Variants in TTLL11 observed in about 807,000 individuals in gnomAD.
TTLL11 encodes the protein tubulin polyglutamylase TTLL11.
TTLL11 carries 42 observed loss-of-function variants against 51.7 expected under a neutral mutation model. That is an observed-to-expected ratio of 0.81 (90% CI 0.64 to 1.05). TTLL11 has a LOEUF of 1.05. TTLL11 is among the 50% of genes least tolerant of loss of function. The pLI is 0.00. For missense variants in TTLL11, 799 were observed against 940.4 expected, an observed-to-expected ratio of 0.85 and a Z score of 1.97; for synonymous variants, 381 against 383.5, an observed-to-expected ratio of 0.99 and a Z score of 0.08.
At chr9:122,051,692 A>G (rs78259791) in intron 1 of TTLL11, among the ~76,000 whole-genome samples, 1 of 152,156 alleles carries the variant, frequency 6.6e-6, no homozygotes, top group Non-Finnish European at 1.5e-5. Context: ...TCGCTGGTTG[A>G]GCTCTCTGTC....
At chr9:122,003,943 G>A (rs1249054225) in intron 3 of TTLL11, among the ~76,000 whole-genome samples, 1 of 150,510 alleles carries the variant, frequency 6.6e-6, no homozygotes, top group African/African-American at 2.4e-5. Context: ...GTGAAACCCC[G>A]TCTCTACTAA....
At position 121,830,871 on chromosome 9, in the gene TTLL11, T is replaced by C. The variant is rs111569641; in HGVS notation, c.1841-7992A>G. Among the ~76,000 whole-genome samples the C allele has an allele frequency of 3.7e-3, 558 of 152,322 alleles. 2 individuals are homozygous for C. Among genetic ancestry groups the C allele is most frequent in the Non-Finnish European group, 6.6e-3 (449 of 68,028 alleles). ...AAGATGGGAGGTCACTGGGGAGTCC[T>C]GAAGTGACATGTCACTGTGGAAGCT... On this transcript the variant is annotated intron_variant, in intron 8 of 8. Coordinates refer to ENST00000321582, the MANE Select transcript of TTLL11 (RefSeq NM_001139442.2).
intron 6 of TTLL11, among the ~76,000 whole-genome samples, chr9:121,896,555 C>A (rs1375484367): frequency 1.3e-5 from 2 of 152,210 alleles, no homozygotes; most frequent in Admixed American, 6.5e-5. Flanking sequence ...GGACATGATT[C>A]GGAACTCACA....
rs144510812 is a variant in TTLL11 at position 121,926,140 on chromosome 9, C to T, written c.1481+47869G>A. Among the ~76,000 whole-genome samples, 302 of 152,280 alleles carry T rather than the reference C, an allele frequency of 2.0e-3. 1 individual carries two copies. The highest frequency in any genetic ancestry group is 7.0e-3 in the African/African-American group (290 of 41,564). The stretch of plus-strand genomic sequence containing the variant: ...ACACACTTTGAAGTTTGCCTTCACA[C>T]GCTTCTGCCAGGAAGGAGCCGTGGT... On this transcript the variant is annotated intron_variant, in intron 6 of 8. Transcript: ENST00000321582.
At chr9:121,888,993 T>C (rs1258364757) in intron 6 of TTLL11, among the ~76,000 whole-genome samples, 2 of 152,232 alleles carry the variant, frequency 1.3e-5, no homozygotes, top group Admixed American at 6.5e-5. Context: ...AGCTCCCAAA[T>C]GCTAGAGCAT....
At position 121,859,149 on chromosome 9, in the gene TTLL11, T is replaced by G. The variant is rs184577336; in HGVS notation, c.1840+1188A>C. Among the ~76,000 whole-genome samples, 11 of 152,092 alleles carry G rather than the reference T, an allele frequency of 7.2e-5. No individual in the cohort carries two copies. The East Asian group carries it at 1.9e-3, about 27-fold the overall frequency. ...TGCATGAAAGGACCTTGAAGTTTTG[T>G]GATGAGCTGTACAAATATCAGTTAT... On this transcript the variant is annotated intron_variant, in intron 8 of 8. Transcript: ENST00000321582.
intron 6 of TTLL11, among the ~76,000 whole-genome samples, chr9:121,970,168 A>G (rs1370249629): frequency 1.3e-5 from 2 of 152,238 alleles, no homozygotes; most frequent in East Asian, 1.9e-4. Flanking sequence ...GGTTATCAAT[A>G]AAAAAGTCAA....
intron 6 of TTLL11, among the ~76,000 whole-genome samples, chr9:121,956,632 T>C (rs1226374128): frequency 6.6e-6 from 1 of 152,208 alleles, no homozygotes; most frequent in East Asian, 1.9e-4. Context: ...CTAGTAGGTA[T>C]GAAGGGCTGC....
chr9:122,021,007 G>A (rs1564361542), intron 3 of TTLL11, among the ~76,000 whole-genome samples: 1 of 152,242 alleles, frequency 6.6e-6, no homozygotes, highest in African/African-American at 2.4e-5. Context: ...TTATTGTTAT[G>A]TAGTCATTCT....
At chr9:122,045,199 A>G (rs1272551566) in intron 1 of TTLL11, among the ~76,000 whole-genome samples, 2 of 149,670 alleles carry the variant, frequency 1.3e-5, no homozygotes, top group African/African-American at 4.9e-5. Flanking sequence ...GCTGTAGTTA[A>G]AAAAAAAAAT....
In TTLL11 at chr9:121,981,242, T is replaced by C. The variant is rs942393513; in HGVS notation, c.1270-6263A>G. ...ATAGTCCACTGAGGGTCTGTTCTTT[T>C]TTTTCCTTGTCATTTTTCTCTACTT... On this transcript the variant is annotated intron_variant, in intron 4 of 8. Transcript: ENST00000321582. Among the ~76,000 whole-genome samples, 4 of 152,174 alleles carry C rather than the reference T, an allele frequency of 2.6e-5. No individual in the cohort carries two copies. In the South Asian group the frequency reaches 8.3e-4, roughly 31 times the overall value.
In TTLL11 at chr9:121,942,219, C is replaced by G. The variant is rs117091615; in HGVS notation, c.1481+31790G>C. On this transcript the variant is annotated intron_variant, in intron 6 of 8. Coordinates refer to ENST00000321582, the MANE Select transcript of TTLL11 (RefSeq NM_001139442.2). ...TTCAAATGCACCAGACTCACCCTGC[C>G]TTAGGGCCTCTGTGCCAGCTGTTCC... Among the ~76,000 whole-genome samples, 112 of 152,288 alleles carry G rather than the reference C, an allele frequency of 7.4e-4. 1 individual carries two copies. In the East Asian group the frequency reaches 0.021, roughly 29 times the overall value.
At chr9:121,973,708 C>T (rs1338056582) in intron 6 of TTLL11, among the ~76,000 whole-genome samples, 1 of 151,842 alleles carries the variant, frequency 6.6e-6, no homozygotes, top group Non-Finnish European at 1.5e-5. Flanking sequence ...CAAACCTGCA[C>T]GTTGTGCACA....
At position 121,984,970 on chromosome 9, in the gene TTLL11, A is replaced by G. The variant is rs116052241; in HGVS notation, c.1269+4225T>C. Among the ~76,000 whole-genome samples the G allele has an allele frequency of 4.4e-3, 667 of 152,314 alleles. 3 individuals are homozygous for G. The highest frequency in any genetic ancestry group is 0.015 in the African/African-American group (626 of 41,570). On this transcript the variant is annotated intron_variant, in intron 4 of 8. Coordinates refer to ENST00000321582, the MANE Select transcript of TTLL11 (RefSeq NM_001139442.2). Reference sequence around the variant, plus strand: ...AGCTACCTAGGCAATGACAGGGGACAGGCTGGAATGACAGGGAAGCCACGT... The same window carrying G: ...AGCTACCTAGGCAATGACAGGGGACGGGCTGGAATGACAGGGAAGCCACGT...
chr9:121,900,611 T>C (rs1839739759), intron 6 of TTLL11, among the ~76,000 whole-genome samples: 1 of 152,198 alleles, frequency 6.6e-6, no homozygotes, highest in African/African-American at 2.4e-5. Flanking sequence ...CTTCTGGAAC[T>C]CCCATTGGAT....
chr9:121,874,702 T>C (rs1243686774), intron 6 of TTLL11, among the ~76,000 whole-genome samples: 2 of 152,000 alleles, frequency 1.3e-5, no homozygotes, highest in African/African-American at 2.4e-5. Flanking sequence ...GTCATTTGAC[T>C]AAATAGAGTC....
chr9:122,082,988 T>C (rs1188583951), intron 1 of TTLL11, among the ~76,000 whole-genome samples: 1 of 152,094 alleles, frequency 6.6e-6, no homozygotes, highest in Non-Finnish European at 1.5e-5. Flanking sequence ...GAGCCGAGAT[T>C]GCGCCACTAT....
chr9:121,916,522 G>A (rs1391774413), intron 6 of TTLL11, among the ~76,000 whole-genome samples: 1 of 151,398 alleles, frequency 6.6e-6, no homozygotes, highest in Non-Finnish European at 1.5e-5. Flanking sequence ...AAGCAATAAA[G>A]AAAAAAAAGC....
chr9:122,046,349 A>G (rs1845001417), intron 1 of TTLL11, among the ~76,000 whole-genome samples: 1 of 151,972 alleles, frequency 6.6e-6, no homozygotes, highest in Admixed American at 6.5e-5. Context: ...TTCTTCCATG[A>G]TTGTAAGTTT....
Sources: gnomAD v4.1 joint callset for allele counts (sites outside exome capture counted in the v4.1 genomes callset) on GRCh38, gnomAD v4.1.1 for gene constraint, MANE v1.5 for transcripts, NCBI Gene and HGNC (gene_info 2026-07-23, HGNC 2026-07-21) for gene names.